Variants in G6PC1 observed in about 807,000 individuals in gnomAD.
G6PC1 encodes the protein G-6-Pase.
G6PC1 carries 23 observed loss-of-function variants against 30.4 expected under a neutral mutation model. That is an observed-to-expected ratio of 0.76 (90% CI 0.55 to 1.07). The LOEUF (loss-of-function observed/expected upper bound fraction) is 1.07. Among genes scored for constraint, G6PC1 ranks in the 50% least tolerant of loss-of-function variants. The pLI, the probability that G6PC1 is intolerant of heterozygous loss-of-function variation, is 0.00. For synonymous variants in G6PC1, 163 were observed against 175.6 expected, an observed-to-expected ratio of 0.93 and a Z score of 0.57; for missense variants, 391 against 433.9, an observed-to-expected ratio of 0.90 and a Z score of 0.88.
rs1356804980 is a variant in G6PC1 at position 42,907,519 on chromosome 17, T to C, written c.341-4T>C. ...TTTACTCCATTCTCTTTCCTGCCCT[T>C]TAGGGAGCCCCTCTGGCCATGCCAT... On this transcript the variant is annotated splice_region_variant and splice_polypyrimidine_tract_variant and intron_variant, in intron 2 of 4. Coordinates refer to ENST00000253801, the MANE Select transcript of G6PC1 (RefSeq NM_000151.4). 1 of 1,607,682 alleles carries C rather than the reference T, an allele frequency of 6.2e-7. No individual in the cohort carries two copies. The highest frequency in any genetic ancestry group is 1.3e-5 in the African/African-American group (1 of 74,756).
rs1398370649 is a variant in G6PC1, at chr17:42,911,427, G to T, written c.*1G>T. The T allele has an allele frequency of 5.6e-6, 9 of 1,614,062 alleles. No homozygotes were observed. The African/African-American group carries it at 1.2e-4, about 22-fold the overall frequency. ...CCAGCCGCACAAGAAGTCGTTGTAA[G>T]AGATGTGGAGTCTTCGGTGTTTAAA... On this transcript the variant is annotated 3_prime_UTR_variant, in exon 5 of 5. Transcript: ENST00000253801.
chr17:42,902,905 C>A (rs1157615429), intron 1 of G6PC1, among the ~76,000 whole-genome samples: 1 of 151,998 alleles, frequency 6.6e-6, no homozygotes, highest in African/African-American at 2.4e-5. Flanking sequence ...GTCCTAGGGG[C>A]TGGAGTGCAT....
In G6PC1 at chr17:42,909,563, G is replaced by A. The variant is rs371201675; in HGVS notation, c.562+145G>A. 64 of 729,642 alleles carry A rather than the reference G, an allele frequency of 8.8e-5. No homozygotes were observed. In the East Asian group the frequency reaches 1.5e-3, roughly 17 times the overall value. 45.2% of individuals were successfully genotyped at this position (729,642 alleles called of 1,614,324 possible). A position where few individuals can be genotyped will look rare whatever the true frequency, so the allele number is the denominator to read the frequency against. ...TCTGTGGGTTGAAAGTCAAGAATGA[G>A]CAACTTGAAATGATTAATTTCTATA... On this transcript the variant is annotated intron_variant, in intron 4 of 4. Transcript: ENST00000253801.
rs1271832382 is a variant in G6PC1 at position 42,909,312 on chromosome 17, T to C, written c.456T>C (p.Asn152=). Residue 152 remains asparagine, a synonymous_variant, in exon 4 of 5, where the codon AAT becomes AAC. Coordinates refer to ENST00000253801, the MANE Select transcript of G6PC1 (RefSeq NM_000151.4). ...IKPTYRFRCL[N]VILWLGFWAV... ...GCCTCTTCTGTTGCAGGTGCTTGAA[T>C]GTCATTTTGTGGTTGGGATTCTGGG... 8.1e-6 allele frequency: 13 copies of C among 1,613,608 alleles called. No homozygotes were observed. Among genetic ancestry groups the C allele is most frequent in the Non-Finnish European group, 1.0e-5 (12 of 1,179,476 alleles).
At position 42,906,600 on chromosome 17, in the gene G6PC1, G is replaced by A. The variant is rs542213475; in HGVS notation, c.341-923G>A. Reference sequence around the variant, plus strand: ...TTAAGAATGGGATGGGAACCAGACGGGCCATGGTGGCTCACACCTATAATC... The same window carrying A: ...TTAAGAATGGGATGGGAACCAGACGAGCCATGGTGGCTCACACCTATAATC... On this transcript the variant is annotated intron_variant, in intron 2 of 4. Coordinates refer to ENST00000253801, the MANE Select transcript of G6PC1 (RefSeq NM_000151.4). Among the ~76,000 whole-genome samples the A allele has an allele frequency of 2.0e-4, 31 of 152,234 alleles. 1 individual carries two copies. In the South Asian group the frequency reaches 6.2e-3, roughly 30 times the overall value.
intron 1 of G6PC1, 69 bp from the exon 2 acceptor site, chr17:42,903,861 CT>C: frequency 1.0e-6 from 1 of 1,002,154 alleles, no homozygotes; most frequent in Admixed American, 1.7e-5. Context: ...CTACACTCTT[CT>C]TGAAGGTGTA....
At chr17:42,907,379 G>A (rs2056068107) in intron 2 of G6PC1, 144 bp from the exon 3 acceptor site, 2 of 674,060 alleles carry the variant, frequency 3.0e-6, no homozygotes, top group Non-Finnish European at 2.7e-6. Flanking sequence ...TGGATGGGGG[G>A]TGAACGGATG....
chr17:42,901,930 G>T (rs191543700), intron 1 of G6PC1, among the ~76,000 whole-genome samples: 4 of 152,190 alleles, frequency 2.6e-5, no homozygotes, highest in Admixed American at 2.6e-4. Flanking sequence ...TAATAATCAG[G>T]GTTAACATTT....
chr17:42,904,525 G>T (rs2056046842), intron 2 of G6PC1, among the ~76,000 whole-genome samples: 1 of 152,142 alleles, frequency 6.6e-6, no homozygotes, highest in African/African-American at 2.4e-5. Context: ...TAAAGTCTCA[G>T]CTGCCCTCTA....
Position 42,908,651 on chromosome 17 carries a change from C to T in G6PC1, c.447-652C>T, listed in dbSNP as rs139178077. Among the ~76,000 whole-genome samples, 67 of 147,452 alleles carry T rather than the reference C, an allele frequency of 4.5e-4. 1 individual carries two copies. In the East Asian group the frequency reaches 0.012, roughly 26 times the overall value. On this transcript the variant is annotated intron_variant, in intron 3 of 4. Coordinates refer to ENST00000253801, the MANE Select transcript of G6PC1 (RefSeq NM_000151.4). The stretch of plus-strand genomic sequence containing the variant: ...TGAACTCCTGACCTAGTGATCCATC[C>T]GCCTCAGCCTCCCAAAGTGCTGGGA...
chr17:42,911,732 C>T lies in G6PC1; in HGVS notation c.*306C>T. ...CTCTCACAAGTAGGGAGCTCACTCCCACTGGAACAGCCCATTTTATCTTTG... is the reference window on the plus strand; with the variant it reads ...CTCTCACAAGTAGGGAGCTCACTCCTACTGGAACAGCCCATTTTATCTTTG... On this transcript the variant is annotated 3_prime_UTR_variant, in exon 5 of 5. Transcript: ENST00000253801. 1 of 445,094 alleles carries T rather than the reference C, an allele frequency of 2.2e-6. No individual in the cohort carries two copies. Among genetic ancestry groups the T allele is most frequent in the Non-Finnish European group, 4.2e-6 (1 of 240,574 alleles). 27.6% of individuals were successfully genotyped at this position (445,094 alleles called of 1,614,324 possible). A position where few individuals can be genotyped will look rare whatever the true frequency, so the allele number is the denominator to read the frequency against.
intron 4 of G6PC1, 86 bp from the exon 5 acceptor site, chr17:42,910,829 G>A: frequency 7.9e-7 from 1 of 1,263,006 alleles, no homozygotes; most frequent in African/African-American, 1.5e-5. Flanking sequence ...CAGAACGGAT[G>A]GCATGTCACC....
chr17:42,901,654 A>G (rs2056027024), intron 1 of G6PC1, among the ~76,000 whole-genome samples: 1 of 151,802 alleles, frequency 6.6e-6, no homozygotes, highest in Non-Finnish European at 1.5e-5. Flanking sequence ...GCAGTGAGTC[A>G]AGATCATGCC....
At chr17:42,901,822 C>T (rs953895767) in intron 1 of G6PC1, among the ~76,000 whole-genome samples, 9 of 152,176 alleles carry the variant, frequency 5.9e-5, no homozygotes, top group African/African-American at 1.9e-4. Flanking sequence ...CTCCAGCCCT[C>T]GTTCTGCCAC....
rs1191883979 is a variant in G6PC1, at chr17:42,907,647, G to T, written c.446+19G>T. The stretch of plus-strand genomic sequence containing the variant: ...GATTTCGGTAAGAACTCACCACTGG[G>T]GTGTAGGTGGTGGAGGGCAGGAGGC... On this transcript the variant is annotated intron_variant, in intron 3 of 4. Coordinates refer to ENST00000253801, the MANE Select transcript of G6PC1 (RefSeq NM_000151.4). 2.6e-6 allele frequency: 4 copies of T among 1,530,888 alleles called. No homozygotes were observed. Among genetic ancestry groups the T allele is most frequent in the Non-Finnish European group, 3.6e-6 (4 of 1,105,306 alleles). 94.8% of individuals were successfully genotyped at this position (1,530,888 alleles called of 1,614,324 possible).
chr17:42,914,155 G>A lies in G6PC1; in HGVS notation c.*2729G>A, dbSNP rs1156251450. Among the ~76,000 whole-genome samples the A allele has an allele frequency of 6.6e-6, 1 of 150,644 alleles. No homozygotes were observed. The highest frequency in any genetic ancestry group is 6.6e-5 in the Admixed American group (1 of 15,098). On this transcript the variant is annotated 3_prime_UTR_variant, in exon 5 of 5. Transcript: ENST00000253801. Reference sequence around the variant, plus strand: ...TCACTATGCTGCCCAGGCTGGTCTTGAACTCCTGGGTTCAAGTGATCCTCC... The same window carrying A: ...TCACTATGCTGCCCAGGCTGGTCTTAAACTCCTGGGTTCAAGTGATCCTCC...
In G6PC1 at chr17:42,900,832, G is replaced by A. The variant is rs367816430; in HGVS notation, c.-45G>A. ...AATCACCACCAAGCCTGGAATAACT[G>A]CAAGGGCTCTGCTGACATCTTCCTG... On this transcript the variant is annotated 5_prime_UTR_variant, in exon 1 of 5. Coordinates refer to ENST00000253801, the MANE Select transcript of G6PC1 (RefSeq NM_000151.4). 1.6e-3 allele frequency: 2,367 copies of A among 1,522,154 alleles called. 6 individuals are homozygous for A. Among genetic ancestry groups the A allele is most frequent in the Middle Eastern group, 3.6e-3 (21 of 5,914 alleles). The allele number at this position is 1,522,154 out of a possible 1,614,324, so 94.3% of individuals were successfully genotyped here. A position where few individuals can be genotyped will look rare whatever the true frequency, so the allele number is the denominator to read the frequency against.
chr17:42,911,540 G>A lies in G6PC1; in HGVS notation c.*114G>A. The A allele has an allele frequency of 6.6e-7, 1 of 1,511,814 alleles. No homozygotes were observed. Among genetic ancestry groups the A allele is most frequent in the East Asian group, 2.3e-5 (1 of 44,392 alleles). 93.6% of individuals were successfully genotyped at this position (1,511,814 alleles called of 1,614,324 possible). On this transcript the variant is annotated 3_prime_UTR_variant, in exon 5 of 5. Transcript: ENST00000253801. ...GAGCAAGTGACATGCCATCCATTCTGCCGTCGTGGAATTAAATCACGGATG... is the reference window on the plus strand; with the variant it reads ...GAGCAAGTGACATGCCATCCATTCTACCGTCGTGGAATTAAATCACGGATG...
rs1178964281 is a variant in G6PC1 at position 42,913,299 on chromosome 17, A to G, written c.*1873A>G. On this transcript the variant is annotated 3_prime_UTR_variant, in exon 5 of 5. Transcript: ENST00000253801. ...GAAAAGAAAAATATATATGTGCAGT[A>G]TTTTATTAAAGCAACATTTTATTTA... 6.6e-6 allele frequency: 1 copy of G among 152,232 alleles called. No individual in the cohort carries two copies. The highest frequency in any genetic ancestry group is 1.5e-5 in the Non-Finnish European group (1 of 68,034). The allele number at this position is 152,232 out of a possible 1,614,324, so 9.4% of individuals were successfully genotyped here.
Sources: allele counts gnomAD v4.1 joint callset (sites outside exome capture counted in the v4.1 genomes callset), GRCh38; gene constraint gnomAD v4.1.1; transcripts MANE v1.5; gene names NCBI Gene and HGNC (gene_info 2026-07-23, HGNC 2026-07-21).